ROR1: variants seen among roughly 807,000 people sequenced by gnomAD.
ROR1 encodes the protein ROR family WNT receptor 1.
ROR1 carries 19 observed loss-of-function variants against 78.8 expected under a neutral mutation model. The ratio of observed to expected loss-of-function variants is 0.24; its 90% CI spans 0.17 to 0.35. The LOEUF (loss-of-function observed/expected upper bound fraction) is 0.35, where lower values mean the gene tolerates loss of function less well. ROR1 is among the 10% of genes least tolerant of loss of function. The probability of loss-of-function intolerance (pLI) is 1.00; values close to 1 mark genes in which losing one functional copy is unlikely to be tolerated. For missense variants in ROR1, 917 were observed against 1,177.8 expected (o/e 0.78, Z 3.24); for synonymous variants, 386 against 433.6 (o/e 0.89, Z 1.36).
At chr1:64,056,492 T>G (rs1222071118) in intron 4 of ROR1, among the ~76,000 whole-genome samples, 1 of 151,800 alleles carries the variant, frequency 6.6e-6, no homozygotes, top group African/African-American at 2.4e-5. Context: ...CTGGCCAACA[T>G]GGTGAAACCC....
intron 1 of ROR1, among the ~76,000 whole-genome samples, chr1:63,911,270 C>T (rs969572878): frequency 2.6e-5 from 4 of 152,066 alleles, no homozygotes; most frequent in Admixed American, 2.6e-4. Flanking sequence ...GTAAAATGGG[C>T]ATAACAATGA....
At chr1:64,068,616 T>C (rs116229414) in intron 4 of ROR1, among the ~76,000 whole-genome samples, 1 of 152,348 alleles carries the variant, frequency 6.6e-6, no homozygotes, top group African/African-American at 2.4e-5. Flanking sequence ...ACTGAGCACA[T>C]ATATTTTCAG....
chr1:63,860,606 TAC>T (rs1645174878), intron 1 of ROR1, among the ~76,000 whole-genome samples: 1 of 72,350 alleles, frequency 1.4e-5, no homozygotes, highest in Non-Finnish European at 2.9e-5. Flanking sequence ...CACACACACA[TAC>T]ACACACACAA....
At chr1:63,997,277 T>C (rs1197723893) in intron 1 of ROR1, among the ~76,000 whole-genome samples, 1 of 152,156 alleles carries the variant, frequency 6.6e-6, no homozygotes, top group Non-Finnish European at 1.5e-5. Context: ...CTATGTAAAA[T>C]AGAGAAAGGC....
At chr1:64,027,802 C>T (rs1646626361) in intron 2 of ROR1, among the ~76,000 whole-genome samples, 1 of 151,980 alleles carries the variant, frequency 6.6e-6, no homozygotes, top group African/African-American at 2.4e-5. Flanking sequence ...ATTCTCCTGC[C>T]TCAGCCTCCT....
At chr1:63,789,552 G>A (rs1644712731) in intron 1 of ROR1, among the ~76,000 whole-genome samples, 1 of 152,100 alleles carries the variant, frequency 6.6e-6, no homozygotes. Context: ...GCAGGTAACA[G>A]GGTGCCAGGA....
chr1:64,102,125 G>A (rs1244160668), intron 4 of ROR1, among the ~76,000 whole-genome samples: 1 of 152,160 alleles, frequency 6.6e-6, no homozygotes, highest in African/African-American at 2.4e-5. Flanking sequence ...GAGAATGAGA[G>A]ACAGAGGCAC....
At position 63,882,132 on chromosome 1, in the gene ROR1, G is replaced by A. The variant is rs769684863; in HGVS notation, c.91+107624G>A. The stretch of plus-strand genomic sequence containing the variant: ...TGAAAATTAGTAGGAGATCCCCCCC[G>A]GTGAATAAACAAGAGAAGTGCATTT... On this transcript the variant is annotated intron_variant, in intron 1 of 8. Coordinates refer to ENST00000371079, the MANE Select transcript of ROR1 (RefSeq NM_005012.4). 5.9e-5 allele frequency among the ~76,000 whole-genome samples: 9 copies of A among 152,176 alleles called. No individual in the cohort carries two copies. In the East Asian group the frequency reaches 7.7e-4, roughly 13 times the overall value.
chr1:63,807,739 G>A (rs189534362), intron 1 of ROR1, among the ~76,000 whole-genome samples: 20 of 152,302 alleles, frequency 1.3e-4, no homozygotes, highest in Admixed American at 1.3e-3. Flanking sequence ...AGTACCAGGT[G>A]CATATTGGTC....
intron 1 of ROR1, among the ~76,000 whole-genome samples, chr1:63,941,628 T>C (rs2100457535): frequency 2.0e-5 from 3 of 152,342 alleles, no homozygotes; most frequent in Middle Eastern, 6.8e-3. Flanking sequence ...ATTATAGGGT[T>C]GTGTGCATGA....
intron 1 of ROR1, among the ~76,000 whole-genome samples, chr1:63,989,044 T>C (rs1043801136): frequency 1.3e-5 from 2 of 152,222 alleles, no homozygotes; most frequent in Non-Finnish European, 1.5e-5. Context: ...ATTTTATTTT[T>C]AATTTTTTGT....
At chr1:64,097,638 T>A (rs1404725468) in intron 4 of ROR1, among the ~76,000 whole-genome samples, 1 of 151,896 alleles carries the variant, frequency 6.6e-6, no homozygotes, top group East Asian at 1.9e-4. Context: ...TATTTTGTCC[T>A]AGGTATAATT....
intron 1 of ROR1, among the ~76,000 whole-genome samples, chr1:64,000,466 G>A (rs2100532054): frequency 6.6e-6 from 1 of 152,256 alleles, no homozygotes; most frequent in East Asian, 1.9e-4. Context: ...TTAACTTTGG[G>A]TCCACTCATT....
At chr1:63,957,171 G>A (rs758538845) in intron 1 of ROR1, among the ~76,000 whole-genome samples, 4 of 152,112 alleles carry the variant, frequency 2.6e-5, no homozygotes, top group East Asian at 1.9e-4. Flanking sequence ...TATCACCATC[G>A]GCTCCTTCTG....
intron 4 of ROR1, chr1:64,112,155 G>A (rs1271414516): frequency 2.0e-5 from 3 of 152,112 alleles, no homozygotes; most frequent in Non-Finnish European, 1.5e-5. Context: ...TTTGAAAATA[G>A]GCCTTTCTAG....
intron 7 of ROR1, among the ~76,000 whole-genome samples, chr1:64,150,761 C>CAA: frequency 6.6e-6 from 1 of 152,310 alleles, no homozygotes; most frequent in East Asian, 1.9e-4. Context: ...TTTTCAACAA[C>CAA]AAAGTAAAGA....
intron 4 of ROR1, among the ~76,000 whole-genome samples, chr1:64,097,182 CA>C (rs1187174664): frequency 2.2e-5 from 2 of 93,014 alleles, no homozygotes; most frequent in Non-Finnish European, 3.8e-5. Flanking sequence ...GGGGAGAATC[CA>C]TTTTTTTTTT....
intron 4 of ROR1, among the ~76,000 whole-genome samples, chr1:64,123,290 G>A (rs532036365): frequency 6.6e-6 from 1 of 152,314 alleles, no homozygotes; most frequent in African/African-American, 2.4e-5. Context: ...TCCTCATGGA[G>A]GGACACTATG....
chr1:64,078,421 G>A (rs1218355161), intron 4 of ROR1, among the ~76,000 whole-genome samples: 1 of 152,194 alleles, frequency 6.6e-6, no homozygotes, highest in Non-Finnish European at 1.5e-5. Context: ...GCAGTGAAGT[G>A]AGAACTAAGT....
Sources: gnomAD v4.1 joint callset for allele counts (sites outside exome capture counted in the v4.1 genomes callset) on GRCh38, gnomAD v4.1.1 for gene constraint, MANE v1.5 for transcripts, NCBI Gene and HGNC (gene_info 2026-07-23, HGNC 2026-07-21) for gene names.